The following ASMTL variants were observed in gnomAD, a reference collection of about 807,000 sequenced individuals.
ASMTL encodes the protein acetylserotonin O-methyltransferase like.
ASMTL carries 57 observed loss-of-function variants against 60.3 expected under a neutral mutation model. That is an observed-to-expected ratio of 0.95 (90% CI 0.76 to 1.18). The LOEUF (loss-of-function observed/expected upper bound fraction) is 1.18. ASMTL is among the 50% of genes most tolerant of loss of function. ASMTL has a pLI of 0.00. For missense variants in ASMTL, 981 were observed against 852.6 expected (o/e 1.15, Z -1.88); for synonymous variants, 419 against 373.0 (o/e 1.12, Z -1.42).
intron 6 of ASMTL, 49 bp downstream of exon 6, chrX:1,432,220 C>T (rs755507303): frequency 2.0e-6 from 3 of 1,470,744 alleles, no homozygotes; most frequent in South Asian, 1.2e-5. Context: ...GTGAGGGTGG[C>T]CAGGCTTCCA....
chrX:1,446,738 A>G (rs1303673373), intron 1 of ASMTL, among the ~76,000 whole-genome samples: 1 of 152,040 alleles, frequency 6.6e-6, no homozygotes, highest in African/African-American at 2.4e-5. Context: ...TGACCTCGTG[A>G]TCCGCCAACC....
At chrX:1,417,226 C>T (rs1317469612) in intron 11 of ASMTL, among the ~76,000 whole-genome samples, 5 of 151,560 alleles carry the variant, frequency 3.3e-5, no homozygotes, top group East Asian at 1.9e-4. Context: ...CACAGGGACA[C>T]ACAACCACAG....
At chrX:1,416,896 C>G (rs1213293688) in intron 11 of ASMTL, among the ~76,000 whole-genome samples, 1 of 151,324 alleles carries the variant, frequency 6.6e-6, no homozygotes, top group Non-Finnish European at 1.5e-5. Flanking sequence ...CACACATACC[C>G]TCAGAGACAT....
At chrX:1,413,337 G>A (rs1351755964) in intron 11 of ASMTL, among the ~76,000 whole-genome samples, 3 of 141,312 alleles carry the variant, frequency 2.1e-5, no homozygotes, top group Non-Finnish European at 4.8e-5. Flanking sequence ...ACTCCAGCCT[G>A]GGCGACAAGA....
At chrX:1,450,900 G>A (rs1212337616) in intron 1 of ASMTL, among the ~76,000 whole-genome samples, 7 of 130,346 alleles carry the variant, frequency 5.4e-5, no homozygotes, top group Admixed American at 3.1e-4. Context: ...ATCCCTATGG[G>A]TCCCGGGTCA....
rs1221004800 is a variant in ASMTL at position 1,416,594 on chromosome X, CACAT to C, written c.1522+1375_1522+1378del. Among the ~76,000 whole-genome samples the C allele has an allele frequency of 2.2e-4, 26 of 115,752 alleles. 2 individuals carry two copies. The East Asian group carries it at 4.9e-3, about 22-fold the overall frequency. 75.9% of individuals were successfully genotyped at this position (115,752 alleles called of 152,430 possible). On this transcript the variant is annotated intron_variant, in intron 11 of 12. Transcript: ENST00000381317. Reference sequence around the variant, plus strand: ...ACAGACGCAGACACACAGACATACACACATATACCCACACAGACGCACAGAAACA... The same window carrying C: ...ACAGACGCAGACACACAGACATACACATACCCACACAGACGCACAGAAACA...
chrX:1,410,647 C>T (rs1336099907), intron 12 of ASMTL, among the ~76,000 whole-genome samples: 1 of 151,960 alleles, frequency 6.6e-6, no homozygotes, highest in East Asian at 2.0e-4. Context: ...CTCCTGACCT[C>T]GAGATCTGCC....
At chrX:1,417,612 GACACAC>G (rs780702844) in intron 11 of ASMTL, among the ~76,000 whole-genome samples, 1 of 149,358 alleles carries the variant, frequency 6.7e-6, no homozygotes, top group African/African-American at 2.5e-5. Flanking sequence ...CACAGATGCA[GACACAC>G]ACACACAGAC....
chrX:1,436,100 C>G (rs1321926732), intron 3 of ASMTL, among the ~76,000 whole-genome samples: 2 of 152,156 alleles, frequency 1.3e-5, no homozygotes, highest in Non-Finnish European at 2.9e-5. Context: ...AACGTGTGGT[C>G]CTCCGGGGCT....
chrX:1,432,998 T>C (rs1222515006), intron 5 of ASMTL, among the ~76,000 whole-genome samples: 5 of 152,144 alleles, frequency 3.3e-5, no homozygotes, highest in Non-Finnish European at 5.9e-5. Context: ...CTCGGGAGGC[T>C]GAGGCAGGAG....
At position 1,403,290 on chromosome X, in the gene ASMTL, C is replaced by T; in HGVS notation, c.1845G>A (p.Leu615=). ...GGCTTCAGGGGGCCACTTTGGTGGC[C>T]AAGATGGCATCCAGGACACCCCCCA... ...VHLGGVLDAI[L]ATKVAP The change falls in exon 13 of 13, where the codon TTG becomes TTA. Residue 615 remains leucine (L), a synonymous_variant. Transcript: ENST00000381317. 1 of 1,612,880 alleles carries T rather than the reference C, an allele frequency of 6.2e-7. No individual in the cohort carries two copies. Among genetic ancestry groups the T allele is most frequent in the East Asian group, 2.2e-5 (1 of 44,880 alleles).
At position 1,442,034 on chromosome X, in the gene ASMTL, T is replaced by C. The variant is rs2091120713; in HGVS notation, c.225+152A>G. On this transcript the variant is annotated intron_variant, in intron 2 of 12. Transcript: ENST00000381317. ...TGGTATTATTAGGTTACTGCAATAG[T>C]GCATTACATTATAACATAGCAATAG... is the stretch of plus-strand genomic sequence containing the variant. 5.0e-6 allele frequency: 4 copies of C among 800,520 alleles called. No individual in the cohort carries two copies. The Admixed American group carries it at 9.3e-5, about 19-fold the overall frequency. 49.6% of individuals were successfully genotyped at this position (800,520 alleles called of 1,614,324 possible).
Position 1,421,782 on chromosome X carries a change from T to C in ASMTL, c.1121A>G (p.His374Arg). 1.2e-6 allele frequency: 2 copies of C among 1,613,888 alleles called. No individual in the cohort carries two copies. Among genetic ancestry groups the C allele is most frequent in the Non-Finnish European group, 1.7e-6 (2 of 1,179,828 alleles). ...YLASDGEYSL[H>R]GFIMHNNDLT... is the part of the protein sequence containing the mutation. ...GTCATTATTGTGCATGATGAAGCCG[T>C]GCAGAGAGTATTCGCCATCCGATGC... is the stretch of plus-strand genomic sequence containing the variant. The change falls in exon 9 of 13, where the codon CAC (histidine) becomes CGC (arginine). Residue 374 changes from histidine to arginine, a missense_variant. Transcript: ENST00000381317.
chrX:1,412,824 G>A lies in ASMTL; in HGVS notation c.1553C>T (p.Ala518Val), dbSNP rs1472344311. The change falls in exon 12 of 13, where the codon GCT becomes GTT. Residue 518 changes from alanine (A) to valine (V), a missense_variant. Ala to Val is a moderately conservative substitution (Grantham distance 64). Coordinates refer to ENST00000381317, the MANE Select transcript of ASMTL (RefSeq NM_004192.4). ...GATCCGGCACAGGACGTACAGCTCA[G>A]CGCTGGGGAGGGGGTCCCTGAAAAA... is the stretch of plus-strand genomic sequence containing the variant. Reference protein sequence around the residue: ...GDFFRDPLPSAELYVLCRILH... With the variant: ...GDFFRDPLPSVELYVLCRILH... The A allele has an allele frequency of 2.5e-6, 4 of 1,613,876 alleles. No homozygotes were observed. Among genetic ancestry groups the A allele is most frequent in the Non-Finnish European group, 3.4e-6 (4 of 1,179,868 alleles).
In ASMTL at chrX:1,416,772, CAG is replaced by C. The variant is rs1254029318; in HGVS notation, c.1522+1199_1522+1200del. On this transcript the variant is annotated intron_variant, in intron 11 of 12. Transcript: ENST00000381317. The stretch of plus-strand genomic sequence containing the variant: ...ATGCACACACAGACACATGCACACA[CAG>C]ACGTACACACAAGCACAGCAGTGAC... Among the ~76,000 whole-genome samples, 42 of 78,942 alleles carry C rather than the reference CAG, an allele frequency of 5.3e-4. 1 individual carries two copies. The highest frequency in any genetic ancestry group is 3.2e-3 in the South Asian group (4 of 1,266). 51.8% of individuals were successfully genotyped at this position (78,942 alleles called of 152,430 possible).
intron 12 of ASMTL, 57 bp from the exon 13 acceptor site, chrX:1,403,546 A>G: frequency 6.6e-7 from 1 of 1,515,550 alleles, no homozygotes; most frequent in Non-Finnish European, 9.1e-7. Context: ...ATCCTTCAGC[A>G]GGACACAGGG....
At chrX:1,435,208 TC>T in intron 4 of ASMTL, 125 bp from the exon 5 acceptor site, 2 of 980,484 alleles carry the variant, frequency 2.0e-6, no homozygotes, top group Non-Finnish European at 3.2e-6. Context: ...CAGCATCTTC[TC>T]CCCGATCGTC....
intron 9 of ASMTL, among the ~76,000 whole-genome samples, chrX:1,419,870 C>T (rs1411201490): frequency 1.3e-5 from 2 of 152,224 alleles, no homozygotes; most frequent in Admixed American, 1.3e-4. Context: ...CAGCTCAGGG[C>T]CCCTGTCCGT....
At chrX:1,422,467 G>A (rs1346573773) in intron 8 of ASMTL, among the ~76,000 whole-genome samples, 10 of 151,978 alleles carry the variant, frequency 6.6e-5, no homozygotes, top group Admixed American at 5.9e-4. Context: ...ATATCCTAGG[G>A]GTTCTGTTAC....
Sources: allele counts gnomAD v4.1 joint callset (sites outside exome capture counted in the v4.1 genomes callset), GRCh38; gene constraint gnomAD v4.1.1; transcripts MANE v1.5; gene names NCBI Gene and HGNC (gene_info 2026-07-23, HGNC 2026-07-21).